The following PRDM16 variants were observed in gnomAD, a reference collection of about 807,000 sequenced individuals.
The protein encoded by PRDM16 is PR/SET domain 16.
A neutral mutation model predicts 110.6 loss-of-function variants in PRDM16; 23 were observed. The ratio of observed to expected loss-of-function variants is 0.21; its 90% confidence interval spans 0.15 to 0.29. PRDM16 has a LOEUF of 0.29. PRDM16 is among the 10% of genes least tolerant of loss of function. The pLI is 1.00. For synonymous variants in PRDM16, 799 were observed against 781.8 expected (o/e 1.02, Z -0.37); for missense variants, 1,615 against 1,794.3 (o/e 0.90, Z 1.81).
intron 5 of PRDM16, among the ~76,000 whole-genome samples, chr1:3,398,606 T>A (rs1385443242): frequency 6.6e-6 from 1 of 152,250 alleles, no homozygotes; most frequent in Non-Finnish European, 1.5e-5. Context: ...AGACGCCACT[T>A]AATTGTGAAC....
chr1:3,254,604 A>G (rs1458764838), intron 3 of PRDM16, among the ~76,000 whole-genome samples: 5 of 152,212 alleles, frequency 3.3e-5, no homozygotes, highest in African/African-American at 1.2e-4. Flanking sequence ...TACAAGGGAC[A>G]TGAAGGACCT....
chr1:3,388,500 C>T (rs1035971945), intron 4 of PRDM16, among the ~76,000 whole-genome samples: 7 of 152,188 alleles, frequency 4.6e-5, no homozygotes, highest in African/African-American at 1.4e-4. Context: ...CATGTGACCT[C>T]AGCCCCCATT....
intron 1 of PRDM16, chr1:3,133,179 A>T (rs1350800383): frequency 6.6e-6 from 1 of 152,264 alleles, no homozygotes; most frequent in Non-Finnish European, 1.5e-5. Flanking sequence ...AGCTGGTCAG[A>T]TGCCTGGGAG....
chr1:3,134,250 C>A, intron 1 of PRDM16, among the ~76,000 whole-genome samples: 1 of 152,136 alleles, frequency 6.6e-6, no homozygotes, highest in East Asian at 1.9e-4. Context: ...TGGAGCTGTC[C>A]GGAGCGCCAT....
intron 3 of PRDM16, among the ~76,000 whole-genome samples, chr1:3,327,184 C>T (rs1358020717): frequency 1.3e-5 from 2 of 152,254 alleles, no homozygotes; most frequent in African/African-American, 2.4e-5. Flanking sequence ...CAGGGCACCC[C>T]CTCAAGACCT....
chr1:3,084,982 G>A (rs1026169130), intron 1 of PRDM16, among the ~76,000 whole-genome samples: 11 of 152,192 alleles, frequency 7.2e-5, no homozygotes, highest in Admixed American at 2.6e-4. Flanking sequence ...GCGGGTGCTG[G>A]GGGTTTGTTT....
At chr1:3,371,587 TCATC>T (rs1271476134) in intron 3 of PRDM16, among the ~76,000 whole-genome samples, 2 of 151,430 alleles carry the variant, frequency 1.3e-5, no homozygotes, top group Admixed American at 6.6e-5. Flanking sequence ...ATCCTTCCAT[TCATC>T]CATCCATCCA....
chr1:3,310,033 C>A (rs1641411958), intron 3 of PRDM16: 1 of 152,216 alleles, frequency 6.6e-6, no homozygotes, highest in South Asian at 2.1e-4. Flanking sequence ...AGTGGGCATG[C>A]CTTCCTGGGT....
chr1:3,186,320 T>C lies in PRDM16; in HGVS notation c.233T>C (p.Ile78Thr). 1 of 1,612,232 alleles carries C rather than the reference T, an allele frequency of 6.2e-7. No individual in the cohort carries two copies. The highest frequency in any genetic ancestry group is 8.5e-7 in the Non-Finnish European group (1 of 1,179,682). The change falls in exon 2 of 17, where the codon ATT (isoleucine) becomes ACT (threonine). Residue 78 changes from isoleucine (I) to threonine (T), a missense_variant. Ile to Thr is a moderately conservative substitution (Grantham distance 89). Transcript: ENST00000270722. ...YEAPVYIPED[I>T]PIPADFELRE... ...GCCCCTGTCTACATTCCTGAAGACA[T>C]TCCGATCCCAGCAGACTTCGAGCTC...
rs752903093 is a variant in PRDM16, at chr1:3,412,472, C to G, written c.2275C>G (p.Arg759Gly). ...LLVKAEPKSPRDALKVGGPSA... is the reference protein window; with the variant it reads ...LLVKAEPKSPGDALKVGGPSA... The stretch of plus-strand genomic sequence containing the variant: ...GGTCAAGGCCGAGCCAAAGTCACCC[C>G]GGGACGCCCTCAAGGTGGGCGGCCC... The change falls in exon 9 of 17, where the codon CGG (arginine) becomes GGG (glycine). Residue 759 changes from arginine (R) to glycine (G), a missense_variant. This residue lies in a region of PRDM16 where 772 missense variants were observed against 748.3 expected (regional missense o/e 1.03). Transcript: ENST00000270722. 2.5e-6 allele frequency: 4 copies of G among 1,613,354 alleles called. No homozygotes were observed. Among genetic ancestry groups the G allele is most frequent in the Non-Finnish European group, 3.4e-6 (4 of 1,180,010 alleles).
intron 3 of PRDM16, among the ~76,000 whole-genome samples, chr1:3,379,159 AGCACACCCC>A (rs1643051388): frequency 1.7e-5 from 1 of 57,176 alleles, no homozygotes; most frequent in South Asian, 7.7e-4. Context: ...CACCCCTCCC[AGCACACCCC>A]TCCCAAAACA....
At chr1:3,184,570 C>T (rs1444861083) in intron 1 of PRDM16, among the ~76,000 whole-genome samples, 7 of 152,202 alleles carry the variant, frequency 4.6e-5, no homozygotes, top group African/African-American at 1.7e-4. Context: ...TCGCGCCTGC[C>T]TTTTTTATGT....
chr1:3,091,176 G>A (rs947364903), intron 1 of PRDM16, among the ~76,000 whole-genome samples: 1 of 152,170 alleles, frequency 6.6e-6, no homozygotes, highest in East Asian at 1.9e-4. Context: ...AGGAGCCACC[G>A]ACCAATAGCA....
intron 1 of PRDM16, among the ~76,000 whole-genome samples, chr1:3,110,086 G>A (rs1642750294): frequency 6.7e-6 from 1 of 150,018 alleles, no homozygotes; most frequent in Admixed American, 6.6e-5. Flanking sequence ...CCTGGGTGTG[G>A]GGACACAGTG....
rs1290363065 is a variant in PRDM16 at position 3,312,757 on chromosome 1, C to T, written c.438+68620C>T. ...AAGGAGACATTTATGTTGGCTGAGG[C>T]GGTATTTTCCTTTTATTGCTGTTAT... On this transcript the variant is annotated intron_variant, in intron 3 of 16. Coordinates refer to ENST00000270722, the MANE Select transcript of PRDM16 (RefSeq NM_022114.4). 4.6e-5 allele frequency among the ~76,000 whole-genome samples: 7 copies of T among 152,348 alleles called. No homozygotes were observed. In the East Asian group the frequency reaches 9.7e-4, roughly 21 times the overall value.
chr1:3,276,721 G>A (rs1262353710), intron 3 of PRDM16, among the ~76,000 whole-genome samples: 2 of 131,720 alleles, frequency 1.5e-5, no homozygotes, highest in Admixed American at 7.5e-5. Context: ...GCCAGCGAGG[G>A]GTGCCTGTTT....
intron 11 of PRDM16, 145 bp downstream of exon 11, chr1:3,418,142 G>A (rs1349744517): frequency 1.4e-6 from 1 of 717,926 alleles, no homozygotes; most frequent in African/African-American, 1.8e-5. Flanking sequence ...ATCTGCTTGA[G>A]GTCATGCTTT....
At chr1:3,219,284 G>T (rs1442572355) in intron 2 of PRDM16, among the ~76,000 whole-genome samples, 1 of 152,208 alleles carries the variant, frequency 6.6e-6, no homozygotes, top group Non-Finnish European at 1.5e-5. Flanking sequence ...GAGTGTCAGC[G>T]CAGTGAAAGA....
At chr1:3,332,405 G>A (rs913443165) in intron 3 of PRDM16, among the ~76,000 whole-genome samples, 10 of 152,102 alleles carry the variant, frequency 6.6e-5, no homozygotes, top group African/African-American at 2.4e-4. Flanking sequence ...TGGGGGGCTC[G>A]GGGCTGGGGG....
Sources: allele counts gnomAD v4.1 joint callset (sites outside exome capture counted in the v4.1 genomes callset), GRCh38; gene constraint gnomAD v4.1.1; regional missense constraint gnomAD v4.1.1; transcripts MANE v1.5; gene names NCBI Gene and HGNC (gene_info 2026-07-23, HGNC 2026-07-21).